NTNG2: variants seen among roughly 807,000 people sequenced by gnomAD.
The protein encoded by NTNG2 is netrin-G2.
Under a neutral mutation model 47.6 loss-of-function variants are expected in NTNG2, and 15 were observed. The ratio of observed to expected loss-of-function variants is 0.32; its 90% CI spans 0.21 to 0.49. NTNG2 has a LOEUF of 0.49. Ranked by LOEUF, NTNG2 falls within the 20% of genes least tolerant of loss-of-function variation. The pLI is 0.99. For synonymous variants in NTNG2, 307 were observed against 324.6 expected, an observed-to-expected ratio of 0.95 and a Z score of 0.58; for missense variants, 578 against 764.6, an observed-to-expected ratio of 0.76 and a Z score of 2.88.
intron 2 of NTNG2, among the ~76,000 whole-genome samples, chr9:132,174,326 G>GGACA (rs34189329): frequency 0.38 from 45,554 of 120,888 alleles, 10,426 homozygotes; most frequent in African/African-American, 0.47. Context: ...ACGGACGGAC[G>GGACA]GACAGACAGA....
chr9:132,182,599 C>T lies in NTNG2; in HGVS notation c.214-15367C>T, dbSNP rs925492276. On this transcript the variant is annotated intron_variant, in intron 2 of 7. Transcript: ENST00000393229. This position sits in a 1 kb window ranked among gnomAD's most constrained non-coding sequence, Gnocchi z 4.2. ...CTGCGCCTCATCAGCCCTGACTAGC[C>T]GTGATGCCCAGGACCTTCCCCCAAG... is the stretch of plus-strand genomic sequence containing the variant. Among the ~76,000 whole-genome samples, 1 of 152,204 alleles carries T rather than the reference C, an allele frequency of 6.6e-6. No homozygotes were observed. Among genetic ancestry groups the T allele is most frequent in the Non-Finnish European group, 1.5e-5 (1 of 68,036 alleles).
At chr9:132,220,461 C>CTTT (rs201197800) in intron 3 of NTNG2, among the ~76,000 whole-genome samples, 14 of 137,508 alleles carry the variant, frequency 1.0e-4, no homozygotes, top group African/African-American at 2.9e-4. Flanking sequence ...TTTCCTTCTT[C>CTTT]TTTTTTTTTT....
At chr9:132,185,425 C>T (rs951167725) in intron 2 of NTNG2, among the ~76,000 whole-genome samples, 2 of 152,208 alleles carry the variant, frequency 1.3e-5, no homozygotes, top group Non-Finnish European at 2.9e-5. Flanking sequence ...GCACTGAAAC[C>T]CTCACAGCCA....
chr9:132,181,264 G>A (rs1836912398), intron 2 of NTNG2, among the ~76,000 whole-genome samples: 1 of 146,384 alleles, frequency 6.8e-6, no homozygotes, highest in Non-Finnish European at 1.5e-5. Context: ...TTGTATTTTT[G>A]TAGAGATGGG....
chr9:132,224,477 C>T (rs925515187), intron 3 of NTNG2, among the ~76,000 whole-genome samples: 8 of 152,142 alleles, frequency 5.3e-5, no homozygotes, highest in Admixed American at 5.2e-4. Context: ...CTCCCTGTCC[C>T]CTCCAATCAC....
intron 3 of NTNG2, among the ~76,000 whole-genome samples, chr9:132,216,456 G>A (rs1042284143): frequency 8.1e-6 from 1 of 122,876 alleles, no homozygotes; most frequent in African/African-American, 3.1e-5. Flanking sequence ...GTGTGTGTGT[G>A]TGTGTGTGTG....
intron 4 of NTNG2, among the ~76,000 whole-genome samples, chr9:132,228,736 T>C (rs188707314): frequency 6.6e-6 from 1 of 152,240 alleles, no homozygotes; most frequent in East Asian, 1.9e-4. Flanking sequence ...TTTCGTGTTT[T>C]TTTCAGAGAA....
intron 3 of NTNG2, among the ~76,000 whole-genome samples, chr9:132,199,172 G>A (rs1293446816): frequency 6.6e-6 from 1 of 152,102 alleles, no homozygotes; most frequent in African/African-American, 2.4e-5. Flanking sequence ...TGGAGGGCAG[G>A]AGTGGAGCCT....
At chr9:132,175,928 A>T (rs1472044421) in intron 2 of NTNG2, among the ~76,000 whole-genome samples, 2 of 152,120 alleles carry the variant, frequency 1.3e-5, no homozygotes, top group Non-Finnish European at 2.9e-5. Context: ...AAAACAGTGG[A>T]CTCCAGTGCA....
At position 132,198,672 on chromosome 9, in the gene NTNG2, G is replaced by A. The variant is rs149321801; in HGVS notation, c.857+63G>A. 1.1e-4 allele frequency: 169 copies of A among 1,513,756 alleles called. 1 individual carries two copies. In the African/African-American group the frequency reaches 2.2e-3, roughly 19 times the overall value. The allele number at this position is 1,513,756 out of a possible 1,614,324, so 93.8% of individuals were successfully genotyped here. A position where few individuals can be genotyped will look rare whatever the true frequency, so the allele number is the denominator to read the frequency against. ...TGGGATGCTATCTGTTACCTGGGAC[G>A]TTATTGGATACCTGGGATGTTACCT... On this transcript the variant is annotated intron_variant, in intron 3 of 7. Transcript: ENST00000393229.
chr9:132,194,952 C>T (rs1347526802), intron 2 of NTNG2, among the ~76,000 whole-genome samples: 3 of 152,230 alleles, frequency 2.0e-5, no homozygotes, highest in African/African-American at 7.2e-5. Context: ...GGGGGCCAAA[C>T]AGCTCATTTG....
Position 132,243,232 on chromosome 9 carries a change from C to T in NTNG2, c.*1121C>T, listed in dbSNP as rs895140855. 8 of 152,226 alleles carry T rather than the reference C, an allele frequency of 5.3e-5. No individual in the cohort carries two copies. The highest frequency in any genetic ancestry group is 1.0e-4 in the Non-Finnish European group (7 of 68,066). 9.4% of individuals were successfully genotyped at this position (152,226 alleles called of 1,614,324 possible). A position where few individuals can be genotyped will look rare whatever the true frequency, so the allele number is the denominator to read the frequency against. ...CCTCCGATGGATGTGTCATCTCAGACCTGTTGCAGCCGGAGCCTCAAGTCC... is the reference window on the plus strand; with the variant it reads ...CCTCCGATGGATGTGTCATCTCAGATCTGTTGCAGCCGGAGCCTCAAGTCC... On this transcript the variant is annotated 3_prime_UTR_variant, in exon 8 of 8. Transcript: ENST00000393229.
At chr9:132,203,015 TC>T (rs1194099917) in intron 3 of NTNG2, among the ~76,000 whole-genome samples, 3 of 152,202 alleles carry the variant, frequency 2.0e-5, no homozygotes, top group Admixed American at 6.5e-5. Flanking sequence ...AGTGTCTCAT[TC>T]CTCTGGTTAG....
At chr9:132,189,064 C>CGTTTTTTTTTT (rs1837636142) in intron 2 of NTNG2, among the ~76,000 whole-genome samples, 3 of 61,756 alleles carry the variant, frequency 4.9e-5, no homozygotes, top group East Asian at 8.7e-4. Flanking sequence ...GGCTTTAAGC[C>CGTTTTTTTTTT]TTTCTTTTTT....
intron 3 of NTNG2, among the ~76,000 whole-genome samples, chr9:132,219,925 C>G (rs1324932468): frequency 6.6e-6 from 1 of 152,222 alleles, no homozygotes; most frequent in African/African-American, 2.4e-5. Context: ...AGACCACTTT[C>G]CAAAGCAGCT....
chr9:132,173,781 C>G lies in NTNG2; in HGVS notation c.213+6737C>G, dbSNP rs572559751. On this transcript the variant is annotated intron_variant, in intron 2 of 7. Transcript: ENST00000393229. ...CGGACGAACGGAGAGGCAGGCAGGT[C>G]GAACCATACTGCGGATGAGACGGAC... is the stretch of plus-strand genomic sequence containing the variant. 3.1e-3 allele frequency among the ~76,000 whole-genome samples: 453 copies of G among 144,294 alleles called. 2 individuals carry two copies. Among genetic ancestry groups the G allele is most frequent in the African/African-American group, 0.011 (404 of 37,910 alleles). The allele number at this position is 144,294 out of a possible 152,430, so 94.7% of individuals were successfully genotyped here.
chr9:132,238,208 G>A (rs926911300), intron 5 of NTNG2, among the ~76,000 whole-genome samples: 17 of 152,206 alleles, frequency 1.1e-4, no homozygotes, highest in African/African-American at 3.9e-4. Flanking sequence ...CATTCTTAGG[G>A]ATGGTGACCT....
intron 3 of NTNG2, among the ~76,000 whole-genome samples, chr9:132,203,044 TG>T (rs1838902338): frequency 6.6e-6 from 1 of 151,538 alleles, no homozygotes; most frequent in Admixed American, 6.6e-5. Flanking sequence ...GAGAGGGAAG[TG>T]GGGGAGGCTT....
intron 2 of NTNG2, among the ~76,000 whole-genome samples, chr9:132,183,673 T>C (rs1359459738): frequency 6.6e-6 from 1 of 152,172 alleles, no homozygotes; most frequent in Non-Finnish European, 1.5e-5. Flanking sequence ...TCACCAGAAG[T>C]GTGACCTTGA....
Sources: allele counts gnomAD v4.1 joint callset (sites outside exome capture counted in the v4.1 genomes callset), GRCh38; gene constraint gnomAD v4.1.1; non-coding constraint Gnocchi (gnomAD v3.1); transcripts MANE v1.5; gene names NCBI Gene and HGNC (gene_info 2026-07-23, HGNC 2026-07-21).